Variants in CPED1 observed in about 807,000 individuals in gnomAD.
CPED1 encodes cadherin-like and PC-esterase domain-containing protein 1.
In CPED1, 114 loss-of-function variants were observed where a neutral mutation model predicts 128.2. The observed-to-expected ratio is 0.89, with a 90% CI of 0.76 to 1.04. The LOEUF (loss-of-function observed/expected upper bound fraction) is 1.04, where lower values mean the gene tolerates loss of function less well. Ranked by LOEUF, CPED1 falls within the 50% of genes least tolerant of loss-of-function variation. CPED1 has a pLI of 0.00. For synonymous variants in CPED1, 462 were observed against 426.7 expected (o/e 1.08, Z -1.02); for missense variants, 1,211 against 1,207.1 (o/e 1.00, Z -0.05).
chr7:121,199,245 A>G (rs563014884), intron 16 of CPED1, among the ~76,000 whole-genome samples: 2 of 152,216 alleles, frequency 1.3e-5, no homozygotes, highest in East Asian at 3.9e-4. Flanking sequence ...CAGTCCACAC[A>G]TGGGGTATAA....
chr7:121,032,852 C>T (rs1382479911), intron 3 of CPED1, among the ~76,000 whole-genome samples: 1 of 152,128 alleles, frequency 6.6e-6, no homozygotes, highest in African/African-American at 2.4e-5. Flanking sequence ...TTAGGAGACA[C>T]TTCTGATATA....
intron 16 of CPED1, among the ~76,000 whole-genome samples, chr7:121,187,872 A>ACAGATGATGCAACTAGACATT (rs766565414): frequency 3.3e-5 from 5 of 152,110 alleles, no homozygotes; most frequent in Non-Finnish European, 5.9e-5. Context: ...ATTTTATTTT[A>ACAGATGATGCAACTAGACATT]CAGATGATGC....
rs112347155 is a variant in CPED1 at position 121,148,333 on chromosome 7, G to A, written c.2055+6192G>A. On this transcript the variant is annotated intron_variant, in intron 16 of 22. Transcript: ENST00000310396. ...AGCAGCCGAGGTAATAGGTGTAGTA[G>A]CAATGAAGCATTTGTAGAACTTTTG... Among the ~76,000 whole-genome samples the A allele has an allele frequency of 3.8e-4, 58 of 152,296 alleles. 1 individual carries two copies. Among genetic ancestry groups the A allele is most frequent in the African/African-American group, 1.3e-3 (53 of 41,580 alleles).
intron 7 of CPED1, among the ~76,000 whole-genome samples, chr7:121,119,135 CTT>C (rs202203893): frequency 1.4e-5 from 2 of 146,582 alleles, no homozygotes; most frequent in African/African-American, 5.0e-5. Flanking sequence ...TTTGGAAGAA[CTT>C]TTTTTTTTTT....
chr7:121,088,852 A>G (rs999814476), intron 5 of CPED1, among the ~76,000 whole-genome samples: 2 of 150,698 alleles, frequency 1.3e-5, no homozygotes, highest in African/African-American at 4.9e-5. Flanking sequence ...AGCACTTCAG[A>G]TAGGAAGGCC....
intron 16 of CPED1, among the ~76,000 whole-genome samples, chr7:121,167,477 G>A (rs892385413): frequency 1.3e-5 from 2 of 152,128 alleles, no homozygotes; most frequent in Non-Finnish European, 2.9e-5. Flanking sequence ...TAATTTATAA[G>A]CATCGTATTC....
At chr7:121,262,133 C>A (rs546865676) in intron 18 of CPED1, among the ~76,000 whole-genome samples, 1 of 152,128 alleles carries the variant, frequency 6.6e-6, no homozygotes, top group South Asian at 2.1e-4. Context: ...CCTGGCATGT[C>A]TCCTGCTCCC....
intron 7 of CPED1, among the ~76,000 whole-genome samples, chr7:121,101,282 A>G (rs931459221): frequency 6.6e-6 from 1 of 151,780 alleles, no homozygotes; most frequent in African/African-American, 2.4e-5. Flanking sequence ...TTATCAAGAC[A>G]CTTACCATCC....
At position 121,154,638 on chromosome 7, in the gene CPED1, C is replaced by T. The variant is rs562393666; in HGVS notation, c.2055+12497C>T. Among the ~76,000 whole-genome samples, 177 of 152,146 alleles carry T rather than the reference C, an allele frequency of 1.2e-3. 1 individual carries two copies. Among genetic ancestry groups the T allele is most frequent in the African/African-American group, 4.1e-3 (171 of 41,538 alleles). ...TTGGCTCACTACAACCTCCAGCTCC[C>T]TGGTTCAAGCGATTCTCCTGCCTCA... On this transcript the variant is annotated intron_variant, in intron 16 of 22. Coordinates refer to ENST00000310396, the MANE Select transcript of CPED1 (RefSeq NM_024913.5).
intron 16 of CPED1, among the ~76,000 whole-genome samples, chr7:121,144,331 T>C (rs1795973428): frequency 6.6e-6 from 1 of 152,080 alleles, no homozygotes; most frequent in Admixed American, 6.6e-5. Context: ...ATGTGGTACA[T>C]ATATACAATG....
At chr7:121,015,928 T>C in intron 3 of CPED1, 80 bp downstream of exon 3, 3 of 1,048,974 alleles carry the variant, frequency 2.9e-6, no homozygotes, top group Non-Finnish European at 3.7e-6. Flanking sequence ...ACTATCTCCC[T>C]CTAAAAAAAT....
intron 16 of CPED1, among the ~76,000 whole-genome samples, chr7:121,235,951 A>C (rs1301462586): frequency 6.6e-6 from 1 of 152,138 alleles, no homozygotes; most frequent in African/African-American, 2.4e-5. Flanking sequence ...AAATTGTGAT[A>C]GACTGAGAGA....
At chr7:121,024,204 A>C (rs1792510927) in intron 3 of CPED1, among the ~76,000 whole-genome samples, 1 of 152,174 alleles carries the variant, frequency 6.6e-6, no homozygotes, top group Non-Finnish European at 1.5e-5. Context: ...ATGTTTATTT[A>C]ACCTTAACTC....
chr7:121,147,457 A>G (rs919857331), intron 16 of CPED1, among the ~76,000 whole-genome samples: 2 of 152,128 alleles, frequency 1.3e-5, no homozygotes, highest in Non-Finnish European at 2.9e-5. Flanking sequence ...AAGATTTAGA[A>G]AGTAATAAAC....
chr7:121,118,605 ATCTG>A (rs1795310408), intron 7 of CPED1, among the ~76,000 whole-genome samples: 1 of 151,482 alleles, frequency 6.6e-6, no homozygotes, highest in African/African-American at 2.4e-5. Context: ...AACCATATCT[ATCTG>A]AGAGATTGCA....
In CPED1 at chr7:121,115,447, A is replaced by AT. The variant is rs917259107; in HGVS notation, c.919-8876dup. Among the ~76,000 whole-genome samples the AT allele has an allele frequency of 1.3e-4, 20 of 152,164 alleles. No homozygotes were observed. In the East Asian group the frequency reaches 2.5e-3, roughly 19 times the overall value. On this transcript the variant is annotated intron_variant, in intron 7 of 22. Transcript: ENST00000310396. ...GTTCTTTATTGTACAACCAGAACTG[A>AT]TTTTTTTTATAATGAATACATTTCC...
At chr7:121,018,270 G>A (rs745596255) in intron 3 of CPED1, among the ~76,000 whole-genome samples, 1 of 152,014 alleles carries the variant, frequency 6.6e-6, no homozygotes, top group African/African-American at 2.4e-5. Flanking sequence ...TTGAATTGAG[G>A]CACTTGCTAC....
In CPED1 at chr7:121,261,264, A is replaced by G. The variant is rs1792010398; in HGVS notation, c.2311-4963A>G. ...TTACCAATAAATATTTCTTGATATT[A>G]TTCATCTCAGAAAACCAGCTTCTCA... On this transcript the variant is annotated intron_variant, in intron 18 of 22. Transcript: ENST00000310396. Among the ~76,000 whole-genome samples, 2 of 152,088 alleles carry G rather than the reference A, an allele frequency of 1.3e-5. 1 individual carries two copies. Among genetic ancestry groups the G allele is most frequent in the African/African-American group, 4.8e-5 (2 of 41,438 alleles).
intron 16 of CPED1, among the ~76,000 whole-genome samples, chr7:121,147,785 A>G (rs1404752355): frequency 6.6e-6 from 1 of 152,172 alleles, no homozygotes; most frequent in Non-Finnish European, 1.5e-5. Flanking sequence ...GATAATACTA[A>G]GGAAGGGGAA....
Sources: allele counts gnomAD v4.1 joint callset (sites outside exome capture counted in the v4.1 genomes callset), GRCh38; gene constraint gnomAD v4.1.1; transcripts MANE v1.5; gene names NCBI Gene and HGNC (gene_info 2026-07-23, HGNC 2026-07-21).